The following EYA2 variants were observed in gnomAD, a reference collection of about 807,000 sequenced individuals.
The protein encoded by EYA2 is EYA transcriptional coactivator and phosphatase 2.
Under a neutral mutation model 69.2 loss-of-function variants are expected in EYA2, and 31 were observed. The observed-to-expected ratio is 0.45, with a 90% CI of 0.34 to 0.60. The LOEUF is 0.60. Ranked by LOEUF, EYA2 falls within the 20% of genes least tolerant of loss-of-function variation. The pLI, the probability that EYA2 is intolerant of heterozygous loss-of-function variation, is 0.02. For missense variants in EYA2, 622 were observed against 701.2 expected, an observed-to-expected ratio of 0.89 and a Z score of 1.28; for synonymous variants, 257 against 279.4, an observed-to-expected ratio of 0.92 and a Z score of 0.80.
chr20:46,958,673 CCTGAGCCT>C (rs2146285047), intron 1 of EYA2, among the ~76,000 whole-genome samples: 1 of 152,254 alleles, frequency 6.6e-6, no homozygotes, highest in South Asian at 2.1e-4. Context: ...AGTTATTTTT[CCTGAGCCT>C]CTCCCACCTC....
In EYA2 at chr20:47,185,276, C is replaced by CTTTTTTTTTTTT. The variant is rs765083065; in HGVS notation, c.1536+1916_1536+1927dup. The stretch of plus-strand genomic sequence containing the variant: ...CTCTCCCAGAAAAATGAATCACACT[C>CTTTTTTTTTTTT]TTTTTTTTTTTTTTTTTTTTTTTTT... On this transcript the variant is annotated intron_variant, in intron 15 of 15. Coordinates refer to ENST00000327619, the MANE Select transcript of EYA2 (RefSeq NM_005244.5). Among the ~76,000 whole-genome samples, 11 of 55,932 alleles carry CTTTTTTTTTTTT rather than the reference C, an allele frequency of 2.0e-4. 2 individuals are homozygous for CTTTTTTTTTTTT. The highest frequency in any genetic ancestry group is 2.9e-4 in the Non-Finnish European group (9 of 31,532). The allele number at this position is 55,932 out of a possible 152,430, so 36.7% of individuals were successfully genotyped here.
Position 47,185,702 on chromosome 20 carries a change from T to C in EYA2, c.1536+2311T>C, listed in dbSNP as rs990825452. Reference sequence around the variant, plus strand: ...GGCCGGGATGAGGGCAGGGTGGGAATGCTAGGGCAGTGAGAAGGCGTTGAA... The same window carrying C: ...GGCCGGGATGAGGGCAGGGTGGGAACGCTAGGGCAGTGAGAAGGCGTTGAA... On this transcript the variant is annotated intron_variant, in intron 15 of 15. Transcript: ENST00000327619. Among the ~76,000 whole-genome samples, 3 of 152,240 alleles carry C rather than the reference T, an allele frequency of 2.0e-5. No individual in the cohort carries two copies. In the East Asian group the frequency reaches 5.8e-4, roughly 29 times the overall value.
chr20:47,122,033 G>C (rs2033059140), intron 9 of EYA2, among the ~76,000 whole-genome samples: 1 of 152,104 alleles, frequency 6.6e-6, no homozygotes, highest in South Asian at 2.1e-4. Flanking sequence ...TTAAAATCAG[G>C]ATATTTCACA....
chr20:47,001,342 T>G (rs1304255275), intron 2 of EYA2, 86 bp from the exon 3 acceptor site: 4 of 1,194,066 alleles, frequency 3.3e-6, no homozygotes, highest in Non-Finnish European at 5.0e-6. Context: ...AGTCTGCTCC[T>G]GCTTAAGTGG....
At chr20:46,897,404 A>G (rs1983865346) in intron 1 of EYA2, among the ~76,000 whole-genome samples, 1 of 152,232 alleles carries the variant, frequency 6.6e-6, no homozygotes, top group African/African-American at 2.4e-5. Context: ...CCTCCGTGAC[A>G]AGATGACTCC....
intron 5 of EYA2, among the ~76,000 whole-genome samples, chr20:47,049,667 G>A (rs6094569): frequency 0.029 from 4,352 of 152,156 alleles, 154 homozygotes; most frequent in African/African-American, 0.087. Context: ...AGCTCCCTGA[G>A]GCCCCCCCAG....
At chr20:47,119,198 G>A (rs2032982207) in intron 9 of EYA2, among the ~76,000 whole-genome samples, 1 of 152,194 alleles carries the variant, frequency 6.6e-6, no homozygotes, top group Non-Finnish European at 1.5e-5. Context: ...TCCAAAGATT[G>A]CTGGTGATGA....
rs187481246 is a variant in EYA2 at position 47,000,287 on chromosome 20, A to G, written c.110-1141A>G. ...TTTAATCCTTTCCTGTCCTTGCAAG[A>G]TAAGTATTTTCATCCTCATTGCACA... On this transcript the variant is annotated intron_variant, in intron 2 of 15. Transcript: ENST00000327619. Among the ~76,000 whole-genome samples the G allele has an allele frequency of 4.9e-4, 74 of 152,328 alleles. 1 individual carries two copies. Among genetic ancestry groups the G allele is most frequent in the African/African-American group, 1.7e-3 (69 of 41,580 alleles).
chr20:47,162,897 T>G (rs988717289), intron 10 of EYA2, among the ~76,000 whole-genome samples: 4 of 152,138 alleles, frequency 2.6e-5, no homozygotes, highest in Admixed American at 6.5e-5. Flanking sequence ...ACTCCCCATA[T>G]GAAACTGCTG....
rs879417665 is a variant in EYA2 at position 46,974,627 on chromosome 20, C to G, written c.-10-15374C>G. Among the ~76,000 whole-genome samples the G allele has an allele frequency of 6.6e-5, 10 of 152,234 alleles. No individual in the cohort carries two copies. The East Asian group carries it at 1.7e-3, about 26-fold the overall frequency. On this transcript the variant is annotated intron_variant, in intron 1 of 15. Coordinates refer to ENST00000327619, the MANE Select transcript of EYA2 (RefSeq NM_005244.5). ...ACTCCCCCAGTGGCCTCAAGCACTT[C>G]GTGTTGTCCAGCCATCCTTGGCAGG...
intron 9 of EYA2, among the ~76,000 whole-genome samples, chr20:47,116,684 C>T (rs1309244184): frequency 6.6e-6 from 1 of 152,180 alleles, no homozygotes; most frequent in Non-Finnish European, 1.5e-5. Context: ...CATTGACCCA[C>T]CCTTCCTTCC....
In EYA2 at chr20:47,179,814, C is replaced by G. The variant is rs1382487659; in HGVS notation, c.1215C>G (p.Pro405=). 1.2e-6 allele frequency: 2 copies of G among 1,613,678 alleles called. No homozygotes were observed. Among genetic ancestry groups the G allele is most frequent in the East Asian group, 2.2e-5 (1 of 44,882 alleles). The change falls in exon 13 of 16, where the codon CCC becomes CCG. Residue 405 remains proline (P), a synonymous_variant. Coordinates refer to ENST00000327619, the MANE Select transcript of EYA2 (RefSeq NM_005244.5). ...KNNVGGLIGT[P]KRETWLQLRA... ...TGTCCACAGGGTTGATAGGCACTCC[C>G]AAAAGGGAGACCTGGCTACAGCTCC...
chr20:47,001,775 C>T (rs978915849), intron 3 of EYA2, among the ~76,000 whole-genome samples: 8 of 138,480 alleles, frequency 5.8e-5, no homozygotes, highest in African/African-American at 1.8e-4. Context: ...TTTCTTCTTT[C>T]TTCTCTTCAT....
chr20:47,032,652 G>A (rs1190038865), intron 5 of EYA2, among the ~76,000 whole-genome samples: 2 of 152,234 alleles, frequency 1.3e-5, no homozygotes, highest in East Asian at 3.9e-4. Flanking sequence ...CTCTGCAGAC[G>A]CTGCAGTACT....
chr20:47,188,210 A>G lies in EYA2; in HGVS notation c.*77A>G. On this transcript the variant is annotated 3_prime_UTR_variant, in exon 16 of 16. Coordinates refer to ENST00000327619, the MANE Select transcript of EYA2 (RefSeq NM_005244.5). ...TCCCCACCTCCCCACCGAGAACTCC[A>G]GAGACCCAGATGTTGGACACCAGGA... 7.1e-7 allele frequency: 1 copy of G among 1,407,134 alleles called. No homozygotes were observed. The highest frequency in any genetic ancestry group is 1.2e-5 in the South Asian group (1 of 81,276). The allele number at this position is 1,407,134 out of a possible 1,614,324, so 87.2% of individuals were successfully genotyped here. A position where few individuals can be genotyped will look rare whatever the true frequency, so the allele number is the denominator to read the frequency against.
chr20:47,149,055 C>T (rs887461030), intron 10 of EYA2, among the ~76,000 whole-genome samples: 1 of 149,574 alleles, frequency 6.7e-6, no homozygotes, highest in African/African-American at 2.5e-5. Flanking sequence ...CCAGCCTGGG[C>T]GATAGAGGGA....
At chr20:47,015,524 A>G (rs1983354619) in intron 4 of EYA2, among the ~76,000 whole-genome samples, 1 of 152,146 alleles carries the variant, frequency 6.6e-6, no homozygotes, top group Non-Finnish European at 1.5e-5. Flanking sequence ...CCTAATGGAC[A>G]TTTAAGCCAT....
intron 7 of EYA2, among the ~76,000 whole-genome samples, chr20:47,077,305 T>G (rs963084486): frequency 6.6e-6 from 1 of 152,190 alleles, no homozygotes; most frequent in Non-Finnish European, 1.5e-5. Flanking sequence ...AGCCTGTGGA[T>G]TCATTCATTC....
At chr20:46,970,418 G>A (rs1427032176) in intron 1 of EYA2, among the ~76,000 whole-genome samples, 2 of 152,120 alleles carry the variant, frequency 1.3e-5, no homozygotes, top group East Asian at 1.9e-4. Context: ...GTTACAACTC[G>A]GGGAGAGGGC....
Sources: allele counts gnomAD v4.1 joint callset (sites outside exome capture counted in the v4.1 genomes callset), GRCh38; gene constraint gnomAD v4.1.1; transcripts MANE v1.5; gene names NCBI Gene and HGNC (gene_info 2026-07-23, HGNC 2026-07-21).